HIVEP3: variants seen among roughly 807,000 people sequenced by gnomAD.
HIVEP3 encodes HIVEP zinc finger 3.
Under a neutral mutation model 152.8 loss-of-function variants are expected in HIVEP3, and 49 were observed. That is an observed-to-expected ratio of 0.32 (90% CI 0.26 to 0.41). The LOEUF (loss-of-function observed/expected upper bound fraction) is 0.41, where lower values mean the gene tolerates loss of function less well. HIVEP3 is among the 10% of genes least tolerant of loss of function. The probability of loss-of-function intolerance (pLI) is 1.00; values close to 1 mark genes in which losing one functional copy is unlikely to be tolerated. For missense variants in HIVEP3, 2,790 were observed against 3,103.3 expected, an observed-to-expected ratio of 0.90 and a Z score of 2.40; for synonymous variants, 1,269 against 1,289.0, an observed-to-expected ratio of 0.98 and a Z score of 0.33.
At chr1:41,731,694 T>G (rs1260005670) in intron 1 of HIVEP3, among the ~76,000 whole-genome samples, 1 of 152,162 alleles carries the variant, frequency 6.6e-6, no homozygotes, top group Non-Finnish European at 1.5e-5. Context: ...AGCTTTGACA[T>G]GCCAAGCCTG....
intron 2 of HIVEP3, among the ~76,000 whole-genome samples, chr1:41,678,910 G>A (rs187376200): frequency 2.0e-5 from 3 of 152,372 alleles, no homozygotes; most frequent in Admixed American, 1.3e-4. Context: ...ATGGCCAGAT[G>A]TCCAGGGAGA....
chr1:41,635,616 A>G (rs1558134203), intron 2 of HIVEP3, among the ~76,000 whole-genome samples: 1 of 23,796 alleles, frequency 4.2e-5, no homozygotes, highest in Non-Finnish European at 8.5e-5. Context: ...ATATACATAC[A>G]TATACATACG....
intron 1 of HIVEP3, among the ~76,000 whole-genome samples, chr1:41,957,384 C>T (rs1645145559): frequency 6.6e-6 from 1 of 152,222 alleles, no homozygotes; most frequent in Non-Finnish European, 1.5e-5. Flanking sequence ...TCATCAATAG[C>T]TGTCAGTAAA....
intron 1 of HIVEP3, among the ~76,000 whole-genome samples, chr1:41,913,202 G>C (rs1054208823): frequency 6.6e-6 from 1 of 152,216 alleles, no homozygotes; most frequent in Non-Finnish European, 1.5e-5. Flanking sequence ...TCTTCACTCT[G>C]GAATGGAACC....
chr1:41,997,969 T>C (rs988112425), intron 1 of HIVEP3, among the ~76,000 whole-genome samples: 6 of 152,344 alleles, frequency 3.9e-5, no homozygotes, highest in Admixed American at 2.6e-4. Flanking sequence ...TGCTAAACGA[T>C]TGATTCCATA....
chr1:41,533,131 C>G lies in HIVEP3; in HGVS notation c.5208-8221G>C, dbSNP rs1643309957. Among the ~76,000 whole-genome samples the G allele has an allele frequency of 6.6e-6, 1 of 152,130 alleles. No homozygotes were observed. The highest frequency in any genetic ancestry group is 1.5e-5 in the Non-Finnish European group (1 of 68,028). Reference sequence around the variant, plus strand: ...GCAGTCCTGGTTCAACGACCTGGAACCTGTGGCTCCTCTGCTCGTTGAAGG... The same window carrying G: ...GCAGTCCTGGTTCAACGACCTGGAAGCTGTGGCTCCTCTGCTCGTTGAAGG... On this transcript the variant is annotated intron_variant, in intron 5 of 8. Transcript: ENST00000372583. The surrounding 1 kb of genome is among the most constrained non-coding windows in gnomAD (Gnocchi z 4.3).
chr1:41,846,099 A>C (rs1012351453), intron 1 of HIVEP3, among the ~76,000 whole-genome samples: 1 of 152,068 alleles, frequency 6.6e-6, no homozygotes, highest in Non-Finnish European at 1.5e-5. Flanking sequence ...AACTGGAAAA[A>C]CCAACGCACG....
In HIVEP3 at chr1:41,510,495, C is replaced by A. The variant is rs1471870920; in HGVS notation, c.7177G>T (p.Ala2393Ser). 1.3e-6 allele frequency: 2 copies of A among 1,592,830 alleles called. No individual in the cohort carries two copies. Among genetic ancestry groups the A allele is most frequent in the Non-Finnish European group, 8.6e-7 (1 of 1,169,488 alleles). The change falls in exon 9 of 9, where the codon GCA becomes TCA. Residue 2393 changes from alanine to serine, a missense_variant. Transcript: ENST00000372583. The part of the protein sequence containing the change: ...PKPSGSGEPR[A>S]HPHQPEDRVP... ...CTGTCCTCAGGCTGATGTGGATGTG[C>A]CCTGGGCTCCCCACTTCCTGAGGGC...
In HIVEP3 at chr1:41,664,874, A is replaced by C. The variant is rs1645770384; in HGVS notation, c.-720-35927T>G. Among the ~76,000 whole-genome samples the C allele has an allele frequency of 6.6e-6, 1 of 152,180 alleles. No individual in the cohort carries two copies. Among genetic ancestry groups the C allele is most frequent in the African/African-American group, 2.4e-5 (1 of 41,452 alleles). On this transcript the variant is annotated intron_variant, in intron 2 of 8. Coordinates refer to ENST00000372583, the MANE Select transcript of HIVEP3 (RefSeq NM_024503.5). This position sits in a 1 kb window ranked among gnomAD's most constrained non-coding sequence, Gnocchi z 4.4. Reference sequence around the variant, plus strand: ...TGGGATATCCCCATGCCAACCCCCCAAAACACGGAGTCCTGAGCTGGCCCT... The same window carrying C: ...TGGGATATCCCCATGCCAACCCCCCCAAACACGGAGTCCTGAGCTGGCCCT...
chr1:42,009,987 T>C (rs1361810472), intron 1 of HIVEP3, among the ~76,000 whole-genome samples: 1 of 152,082 alleles, frequency 6.6e-6, no homozygotes, highest in Non-Finnish European at 1.5e-5. Context: ...TGGAGTGCCA[T>C]GGTGCCATCA....
chr1:41,789,748 ACT>A (rs1170831408), intron 1 of HIVEP3, among the ~76,000 whole-genome samples: 2 of 152,166 alleles, frequency 1.3e-5, no homozygotes, highest in Admixed American at 6.5e-5. Context: ...TAAGGAGGAA[ACT>A]CTAAACAGGA....
chr1:41,803,203 A>G (rs1253883521), intron 1 of HIVEP3, among the ~76,000 whole-genome samples: 2 of 152,240 alleles, frequency 1.3e-5, no homozygotes, highest in South Asian at 2.1e-4. Context: ...ACCCCAAAAT[A>G]TGAGGCTCTG....
In HIVEP3 at chr1:41,581,424, T is replaced by C. The variant is rs1254416660; in HGVS notation, c.3374A>G (p.His1125Arg). 5.6e-6 allele frequency: 9 copies of C among 1,595,964 alleles called. No individual in the cohort carries two copies. The highest frequency in any genetic ancestry group is 6.8e-6 in the Non-Finnish European group (8 of 1,171,476). ...VPYTEALQVF[H>R]HPVAQTPLHE... is the part of the protein sequence containing the mutation. Reference sequence around the variant, plus strand: ...CAGGGGTGTCTGGGCAACGGGGTGGTGGAACACTTGCAGTGCTTCTGTGTA... The same window carrying C: ...CAGGGGTGTCTGGGCAACGGGGTGGCGGAACACTTGCAGTGCTTCTGTGTA... Residue 1125 changes from histidine (H) to arginine (R), a missense_variant, in exon 4 of 9, where the codon CAC becomes CGC. Transcript: ENST00000372583. This position sits in a 1 kb window ranked among gnomAD's most constrained non-coding sequence, Gnocchi z 4.5.
rs550134223 is a variant in HIVEP3 at position 41,533,037 on chromosome 1, G to C, written c.5208-8127C>G. On this transcript the variant is annotated intron_variant, in intron 5 of 8. Coordinates refer to ENST00000372583, the MANE Select transcript of HIVEP3 (RefSeq NM_024503.5). The surrounding 1 kb of genome is among the most constrained non-coding windows in gnomAD (Gnocchi z 4.3). ...AAGAGGAGAGGGTTTAGAGGAGGAG[G>C]GGCCCATGGCTGGACATCCCAGAGA... is the stretch of plus-strand genomic sequence containing the variant. 6.6e-6 allele frequency among the ~76,000 whole-genome samples: 1 copy of C among 152,170 alleles called. No individual in the cohort carries two copies. The highest frequency in any genetic ancestry group is 6.5e-5 in the Admixed American group (1 of 15,280).
chr1:41,616,759 TG>T (rs1472554046), intron 3 of HIVEP3, among the ~76,000 whole-genome samples: 2 of 152,054 alleles, frequency 1.3e-5, no homozygotes, highest in South Asian at 2.1e-4. Context: ...GCTCAATTTT[TG>T]TTTTTCTAAA....
At chr1:41,659,205 T>C (rs1270393065) in intron 2 of HIVEP3, among the ~76,000 whole-genome samples, 1 of 152,210 alleles carries the variant, frequency 6.6e-6, no homozygotes, top group Non-Finnish European at 1.5e-5. Context: ...TGGCAAATAT[T>C]CTTTCCCCAA....
chr1:41,836,896 T>C (rs948550894), intron 1 of HIVEP3, among the ~76,000 whole-genome samples: 1 of 152,244 alleles, frequency 6.6e-6, no homozygotes, highest in Non-Finnish European at 1.5e-5. Context: ...CATGAACTAT[T>C]GAAGTGGCAC....
chr1:41,745,807 C>T (rs1275555967), intron 1 of HIVEP3, among the ~76,000 whole-genome samples: 3 of 152,176 alleles, frequency 2.0e-5, no homozygotes, highest in African/African-American at 4.8e-5. Flanking sequence ...CTCTTTCCAC[C>T]GGAGGGAATA....
chr1:41,515,538 G>C (rs1642577595), intron 7 of HIVEP3, among the ~76,000 whole-genome samples: 1 of 152,172 alleles, frequency 6.6e-6, no homozygotes, highest in Non-Finnish European at 1.5e-5. Flanking sequence ...CTGTTCACCT[G>C]GCCCTGCCCC....
Sources: gnomAD v4.1 joint callset for allele counts (sites outside exome capture counted in the v4.1 genomes callset) on GRCh38, gnomAD v4.1.1 for gene constraint, Gnocchi (gnomAD v3.1) non-coding constraint, MANE v1.5 for transcripts, NCBI Gene and HGNC (gene_info 2026-07-23, HGNC 2026-07-21) for gene names.